The following ACADS variants were observed in gnomAD, a reference collection of about 807,000 sequenced individuals.
ACADS encodes acyl-CoA dehydrogenase short chain, also known as short-chain specific acyl-CoA dehydrogenase, mitochondrial.
A neutral mutation model predicts 46.8 loss-of-function variants in ACADS; 28 were observed. That is an observed-to-expected ratio of 0.60 (90% CI 0.44 to 0.82). The LOEUF (loss-of-function observed/expected upper bound fraction) is 0.82, where lower values mean the gene tolerates loss of function less well. Ranked by LOEUF, ACADS falls within the 40% of genes least tolerant of loss-of-function variation. The pLI, the probability that ACADS is intolerant of heterozygous loss-of-function variation, is 0.00. For synonymous variants in ACADS, 236 were observed against 237.7 expected, an observed-to-expected ratio of 0.99 and a Z score of 0.07; for missense variants, 528 against 578.0, an observed-to-expected ratio of 0.91 and a Z score of 0.89.
chr12:120,738,139 C>T (rs1002704924), intron 5 of ACADS, 141 bp from the exon 6 acceptor site: 10 of 1,568,888 alleles, frequency 6.4e-6, no homozygotes, highest in African/African-American at 2.7e-5. Context: ...GAAGCCTGCA[C>T]CTTCCCCAGA....
intron 2 of ACADS, among the ~76,000 whole-genome samples, chr12:120,727,933 C>T (rs1331097467): frequency 6.6e-6 from 1 of 152,086 alleles, no homozygotes; most frequent in African/African-American, 2.4e-5. Context: ...GCCTGCTCGA[C>T]CTATTTTCTT....
In ACADS at chr12:120,738,589, G is replaced by C. The variant is rs1323132512; in HGVS notation, c.852G>C (p.Gln284His). 3 of 1,612,924 alleles carry C rather than the reference G, an allele frequency of 1.9e-6. No individual in the cohort carries two copies. The highest frequency in any genetic ancestry group is 2.5e-6 in the Non-Finnish European group (3 of 1,180,028). ...GIASQALGIAQTALDCAVNYA... is the reference protein window; with the variant it reads ...GIASQALGIAHTALDCAVNYA... ...CCTCCCAGGCCCTGGGCATTGCCCAGACCGCCCTCGATTGTGCTGTGAACT... is the reference window on the plus strand; with the variant it reads ...CCTCCCAGGCCCTGGGCATTGCCCACACCGCCCTCGATTGTGCTGTGAACT... The change falls in exon 7 of 10, where the codon CAG (glutamine) becomes CAC (histidine). Residue 284 changes from glutamine (Q) to histidine (H), a missense_variant. Transcript: ENST00000242592.
intron 2 of ACADS, 50 bp downstream of exon 2, chr12:120,727,239 T>C (rs1320853602): frequency 6.2e-7 from 1 of 1,605,134 alleles, no homozygotes; most frequent in Non-Finnish European, 8.5e-7. Flanking sequence ...CCTCTGCTAC[T>C]GGATGAATGG....
chr12:120,730,228 G>T (rs111999968), intron 2 of ACADS, among the ~76,000 whole-genome samples: 3 of 152,206 alleles, frequency 2.0e-5, no homozygotes, highest in African/African-American at 7.2e-5. Flanking sequence ...TTATCCGCCC[G>T]CCTGGGCCTC....
intron 1 of ACADS, among the ~76,000 whole-genome samples, chr12:120,726,771 T>C (rs1365587235): frequency 1.3e-5 from 2 of 152,184 alleles, no homozygotes; most frequent in Admixed American, 1.3e-4. Flanking sequence ...GTGGCCGCCA[T>C]GGACATTTTG....
chr12:120,735,100 G>A (rs1390790075), intron 2 of ACADS, among the ~76,000 whole-genome samples: 5 of 146,976 alleles, frequency 3.4e-5, no homozygotes, highest in Non-Finnish European at 7.4e-5. Flanking sequence ...GGTGAAACCT[G>A]GTCTCTACCA....
rs926187308 is a variant in ACADS at position 120,739,405 on chromosome 12, G to A, written c.1196G>A (p.Arg399Gln). 16 of 1,612,326 alleles carry A rather than the reference G, an allele frequency of 9.9e-6. No individual in the cohort carries two copies. Among genetic ancestry groups the A allele is most frequent in the Admixed American group, 1.7e-5 (1 of 59,988 alleles). The change falls in exon 10 of 10, where the codon CGG becomes CAG. Residue 399 changes from arginine (R) to glutamine (Q), a missense_variant. Coordinates refer to ENST00000242592, the MANE Select transcript of ACADS (RefSeq NM_000017.4). ...TACGAGGGCACCAGCGAAATCCAGCGGCTGGTGATCGCCGGGCATCTGCTC... is the reference window on the plus strand; with the variant it reads ...TACGAGGGCACCAGCGAAATCCAGCAGCTGGTGATCGCCGGGCATCTGCTC... ...EIYEGTSEIQ[R>Q]LVIAGHLLRS... is the part of the protein sequence containing the mutation.
At chr12:120,736,408 C>T (rs1303148361) in intron 2 of ACADS, among the ~76,000 whole-genome samples, 1 of 152,178 alleles carries the variant, frequency 6.6e-6, no homozygotes, top group Admixed American at 6.5e-5. Flanking sequence ...GTGGTGAAGG[C>T]AAAAGACCTT....
In ACADS at chr12:120,738,330, GAAGA is replaced by G; in HGVS notation, c.681_684del (p.Glu228ThrfsTer35). 2 of 1,614,206 alleles carry G rather than the reference GAAGA, an allele frequency of 1.2e-6. No homozygotes were observed. Among genetic ancestry groups the G allele is most frequent in the African/African-American group, 1.3e-5 (1 of 75,062 alleles). ...TGCCAACGCCTGGGCTCACGTTGGG[GAAGA>G]AAGAAGACAAGCTGGGCATCCGGGG... On this transcript the variant is annotated frameshift_variant, in exon 6 of 10. Transcript: ENST00000242592. LOFTEE classifies it high-confidence loss of function.
At chr12:120,736,849 A>G (rs1883455734) in intron 2 of ACADS, 137 bp from the exon 3 acceptor site, 8 of 1,099,514 alleles carry the variant, frequency 7.3e-6, no homozygotes, top group African/African-American at 1.6e-5. Context: ...GGACTTGGGG[A>G]TCCCTTGTGC....
chr12:120,727,767 T>A (rs1447955631), intron 2 of ACADS, among the ~76,000 whole-genome samples: 1 of 151,786 alleles, frequency 6.6e-6, no homozygotes, highest in East Asian at 1.9e-4. Flanking sequence ...AACTCCTGAA[T>A]TCAGGTGATC....
At chr12:120,734,900 C>T (rs1171738594) in intron 2 of ACADS, among the ~76,000 whole-genome samples, 1 of 150,860 alleles carries the variant, frequency 6.6e-6, no homozygotes, top group African/African-American at 2.4e-5. Context: ...TACAGGCACC[C>T]GCCACCATGC....
Position 120,728,707 on chromosome 12 carries a change from G to A in ACADS, c.210+1518G>A, listed in dbSNP as rs139128460. 0.011 allele frequency among the ~76,000 whole-genome samples: 1,728 copies of A among 150,832 alleles called. 42 individuals carry two copies. Among genetic ancestry groups the A allele is most frequent in the African/African-American group, 0.04 (1,646 of 41,018 alleles). Reference sequence around the variant, plus strand: ...ATTTTAGTAGAGACGGGGTTTCACCGTGTTGCCCAGGCTGGTCTCAAACTC... The same window carrying A: ...ATTTTAGTAGAGACGGGGTTTCACCATGTTGCCCAGGCTGGTCTCAAACTC... On this transcript the variant is annotated intron_variant, in intron 2 of 9. Coordinates refer to ENST00000242592, the MANE Select transcript of ACADS (RefSeq NM_000017.4). This position sits in a 1 kb window ranked among gnomAD's most constrained non-coding sequence, Gnocchi z 4.0.
At chr12:120,727,741 G>A (rs1334964315) in intron 2 of ACADS, among the ~76,000 whole-genome samples, 1 of 152,114 alleles carries the variant, frequency 6.6e-6, no homozygotes, top group East Asian at 1.9e-4. Context: ...TCACCATGTT[G>A]GCCAGGCTGG....
chr12:120,739,500 T>C lies in ACADS; in HGVS notation c.*52T>C. 1 of 1,583,660 alleles carries C rather than the reference T, an allele frequency of 6.3e-7. No individual in the cohort carries two copies. ...CGGGAAGGCGCGGGAGCCAGGGGCC[T>C]CCACCCCAACCCCGGCTCAGAGACT... On this transcript the variant is annotated 3_prime_UTR_variant, in exon 10 of 10. Transcript: ENST00000242592.
At chr12:120,738,725 T>C in intron 7 of ACADS, 55 bp downstream of exon 7, 2 of 1,608,122 alleles carry the variant, frequency 1.2e-6, no homozygotes. Flanking sequence ...GGGCGGAGAG[T>C]GTGGCCTCCT....
chr12:120,732,012 A>G (rs1883262940), intron 2 of ACADS, among the ~76,000 whole-genome samples: 1 of 152,248 alleles, frequency 6.6e-6, no homozygotes, highest in Non-Finnish European at 1.5e-5. Context: ...TACAGAACGA[A>G]ATGAAGTCTC....
At chr12:120,732,304 C>T (rs1455997210) in intron 2 of ACADS, among the ~76,000 whole-genome samples, 2 of 149,682 alleles carry the variant, frequency 1.3e-5, no homozygotes, top group South Asian at 2.1e-4. Flanking sequence ...GCTGGCCGGG[C>T]GGGGGCTGCC....
chr12:120,739,029 G>T (rs922358310), intron 8 of ACADS, 111 bp from the exon 9 acceptor site: 4 of 1,590,986 alleles, frequency 2.5e-6, no homozygotes, highest in Non-Finnish European at 3.4e-6. Flanking sequence ...TGGGCCTGGG[G>T]TTTACAGCCC....
Sources: allele counts gnomAD v4.1 joint callset (sites outside exome capture counted in the v4.1 genomes callset), GRCh38; gene constraint gnomAD v4.1.1; non-coding constraint Gnocchi (gnomAD v3.1); transcripts MANE v1.5; gene names NCBI Gene and HGNC (gene_info 2026-07-23, HGNC 2026-07-21).